NRG1: variants seen among roughly 807,000 people sequenced by gnomAD.
NRG1 encodes pro-neuregulin-1, membrane-bound isoform.
A neutral mutation model predicts 63.8 loss-of-function variants in NRG1; 18 were observed. The observed-to-expected ratio is 0.28, with a 90% CI of 0.19 to 0.42. NRG1 has a LOEUF of 0.42. NRG1 is among the 10% of genes least tolerant of loss of function. NRG1 has a pLI of 1.00. For synonymous variants in NRG1, 302 were observed against 301.3 expected (o/e 1.00, Z -0.02); for missense variants, 762 against 814.7 (o/e 0.94, Z 0.79).
intron 1 of NRG1, among the ~76,000 whole-genome samples, chr8:31,889,240 A>G (rs911597447): frequency 2.6e-5 from 4 of 152,148 alleles, no homozygotes; most frequent in Admixed American, 6.6e-5. Context: ...TTATAAATAC[A>G]TTGTTTACAG....
At chr8:32,493,112 G>A (rs1190348341) in intron 1 of NRG1, among the ~76,000 whole-genome samples, 1 of 152,118 alleles carries the variant, frequency 6.6e-6, no homozygotes, top group African/African-American at 2.4e-5. Flanking sequence ...CCAAATGGAG[G>A]TAATTAACAA....
intron 1 of NRG1, among the ~76,000 whole-genome samples, chr8:32,318,050 G>C (rs989965930): frequency 6.6e-6 from 1 of 152,276 alleles, no homozygotes; most frequent in Admixed American, 6.5e-5. Flanking sequence ...AAAATATTAA[G>C]TCTTAAGAAA....
chr8:32,398,438 T>C lies in NRG1; in HGVS notation c.38-197390T>C, dbSNP rs576860694. On this transcript the variant is annotated intron_variant, in intron 1 of 10. Coordinates refer to the NRG1 transcript ENST00000519301. Reference sequence around the variant, plus strand: ...TTTTTTTTTTTTTTTTAAGACCAGGTCTCACTCTGTTACCCAGGCTGGAGT... The same window carrying C: ...TTTTTTTTTTTTTTTTAAGACCAGGCCTCACTCTGTTACCCAGGCTGGAGT... 2.0e-5 allele frequency among the ~76,000 whole-genome samples: 3 copies of C among 150,392 alleles called. No individual in the cohort carries two copies. In the South Asian group the frequency reaches 6.3e-4, roughly 32 times the overall value.
chr8:32,073,024 C>T (rs1373233567), intron 1 of NRG1, among the ~76,000 whole-genome samples: 1 of 151,424 alleles, frequency 6.6e-6, no homozygotes, highest in African/African-American at 2.4e-5. Context: ...AAAAATTGGT[C>T]AAAGAGATAG....
intron 1 of NRG1, among the ~76,000 whole-genome samples, chr8:32,173,119 C>A (rs1183048313): frequency 6.6e-6 from 1 of 152,160 alleles, no homozygotes; most frequent in Non-Finnish European, 1.5e-5. Context: ...AAGGGAAGCC[C>A]ATCAGACTAA....
chr8:31,836,591 T>C (rs1402143546), intron 1 of NRG1, among the ~76,000 whole-genome samples: 1 of 152,110 alleles, frequency 6.6e-6, no homozygotes, highest in African/African-American at 2.4e-5. Context: ...TAAACTTATA[T>C]GTGGAGATCT....
At position 31,970,558 on chromosome 8, in the gene NRG1, C is replaced by T. The variant is rs1403989707; in HGVS notation, c.37+331127C>T. On this transcript the variant is annotated intron_variant, in intron 1 of 10. Transcript: ENST00000519301. ...CAGAATTGGGCCTGAGCAAAAGTCA[C>T]ATGAGCTTACAGCACCCTGTGCAGT... Among the ~76,000 whole-genome samples the T allele has an allele frequency of 2.6e-5, 4 of 152,184 alleles. No homozygotes were observed. The South Asian group carries it at 6.2e-4, about 24-fold the overall frequency.
At chr8:32,459,632 T>C (rs1032344039) in intron 1 of NRG1, among the ~76,000 whole-genome samples, 2 of 151,714 alleles carry the variant, frequency 1.3e-5, no homozygotes, top group African/African-American at 2.4e-5. Context: ...GAAGGAAACA[T>C]GAATTAGATT....
chr8:32,689,781 C>A (rs1035144425), intron 5 of NRG1, among the ~76,000 whole-genome samples: 3 of 152,064 alleles, frequency 2.0e-5, no homozygotes, highest in African/African-American at 7.2e-5. Context: ...ACATCGTTTT[C>A]ATAACCAAAA....
In NRG1 at chr8:32,044,736, A is replaced by AG. The variant is rs1194447729; in HGVS notation, c.37+405305_37+405306insG. On this transcript the variant is annotated intron_variant, in intron 1 of 10. Transcript: ENST00000519301. ...CTACAGTCAAAGAAGAAGTGTCAAAAAAAAATAAATTATTTCAAACTGCAT... is the reference window on the plus strand; with the variant it reads ...CTACAGTCAAAGAAGAAGTGTCAAAAGAAAAATAAATTATTTCAAACTGCAT... 1.1e-4 allele frequency among the ~76,000 whole-genome samples: 17 copies of AG among 151,536 alleles called. No individual in the cohort carries two copies. The East Asian group carries it at 3.3e-3, about 29-fold the overall frequency.
chr8:31,666,256 T>A (rs1806529147), intron 1 of NRG1, among the ~76,000 whole-genome samples: 1 of 152,190 alleles, frequency 6.6e-6, no homozygotes, highest in Non-Finnish European at 1.5e-5. Context: ...TGGGAGACAC[T>A]ACCTTCTTCA....
At chr8:32,234,846 C>T (rs1847366387) in intron 1 of NRG1, among the ~76,000 whole-genome samples, 1 of 152,096 alleles carries the variant, frequency 6.6e-6, no homozygotes, top group South Asian at 2.1e-4. Flanking sequence ...TTAATTCTCG[C>T]TCATAGAAAT....
At position 32,312,153 on chromosome 8, in the gene NRG1, G is replaced by GTTTTTT. The variant is rs767575805; in HGVS notation, c.38-283672_38-283671insTTTTTT. ...AGCCCTACATTCATTATTTGACCTT[G>GTTTTTT]TTTGTTTTTTTTTTTTTTTTTTTTT... is the stretch of plus-strand genomic sequence containing the variant. On this transcript the variant is annotated intron_variant, in intron 1 of 10. Coordinates refer to the NRG1 transcript ENST00000519301. Among the ~76,000 whole-genome samples the GTTTTTT allele has an allele frequency of 1.0e-3, 102 of 98,206 alleles. 7 individuals are homozygous for GTTTTTT. The highest frequency in any genetic ancestry group is 2.4e-3 in the African/African-American group (63 of 26,418). 64.4% of individuals were successfully genotyped at this position (98,206 alleles called of 152,430 possible). A position where few individuals can be genotyped will look rare whatever the true frequency, so the allele number is the denominator to read the frequency against.
chr8:32,366,937 C>A (rs1162889001), intron 1 of NRG1, among the ~76,000 whole-genome samples: 1 of 151,832 alleles, frequency 6.6e-6, no homozygotes, highest in African/African-American at 2.4e-5. Context: ...GTCTTGAACT[C>A]CTGACCTCAG....
intron 2 of NRG1, among the ~76,000 whole-genome samples, chr8:32,598,986 G>C (rs1322754137): frequency 1.3e-5 from 2 of 151,988 alleles, no homozygotes; most frequent in African/African-American, 4.8e-5. Context: ...TCTTCCTGTA[G>C]ATCATAGTGG....
intron 1 of NRG1, among the ~76,000 whole-genome samples, chr8:31,961,605 A>G (rs952960837): frequency 6.6e-6 from 1 of 152,154 alleles, no homozygotes; most frequent in Non-Finnish European, 1.5e-5. Context: ...TAAGATACTG[A>G]TCTTGTATTT....
intron 1 of NRG1, among the ~76,000 whole-genome samples, chr8:32,506,709 G>A (rs1415248364): frequency 1.3e-5 from 2 of 152,066 alleles, no homozygotes; most frequent in East Asian, 3.9e-4. Flanking sequence ...AGAAATCTTG[G>A]GGGGTATGTG....
chr8:32,399,899 C>T (rs1474659235), intron 1 of NRG1, among the ~76,000 whole-genome samples: 1 of 152,104 alleles, frequency 6.6e-6, no homozygotes, highest in African/African-American at 2.4e-5. Context: ...AAGAGAAAAG[C>T]TGTTCATTCT....
intron 1 of NRG1, among the ~76,000 whole-genome samples, chr8:31,788,170 T>C (rs59083745): frequency 0.22 from 32,908 of 151,966 alleles, 3,949 homozygotes; most frequent in Middle Eastern, 0.25. Flanking sequence ...ATTTTTATAG[T>C]ATAAAAATTG....
Sources: allele counts gnomAD v4.1 joint callset (sites outside exome capture counted in the v4.1 genomes callset), GRCh38; gene constraint gnomAD v4.1.1; transcripts MANE v1.5; gene names NCBI Gene and HGNC (gene_info 2026-07-23, HGNC 2026-07-21).